The following MTUS1 variants were observed in gnomAD, a reference collection of about 807,000 sequenced individuals.
MTUS1 encodes microtubule-associated tumor suppressor 1.
A neutral mutation model predicts 120.8 loss-of-function variants in MTUS1; 109 were observed. The observed-to-expected ratio is 0.90, with a 90% CI of 0.77 to 1.06. MTUS1 has a LOEUF of 1.06. MTUS1 is among the 50% of genes least tolerant of loss of function. MTUS1 has a pLI of 0.00. For synonymous variants in MTUS1, 737 were observed against 550.5 expected (o/e 1.34, Z -4.74); for missense variants, 2,210 against 1,486.3 (o/e 1.49, Z -8.01).
intron 2 of MTUS1, among the ~76,000 whole-genome samples, chr8:17,747,829 G>A (rs114719708): frequency 0.04 from 6,073 of 152,204 alleles, 163 homozygotes; most frequent in African/African-American, 0.079. Context: ...AGAGTTCCAC[G>A]TGGCTGGGGA....
chr8:17,791,512 GT>G (rs1348914970), intron 1 of MTUS1, among the ~76,000 whole-genome samples: 1 of 152,152 alleles, frequency 6.6e-6, no homozygotes, highest in African/African-American at 2.4e-5. Context: ...TCTTTCGAAT[GT>G]GCTGACTGAT....
intron 8 of MTUS1, among the ~76,000 whole-genome samples, chr8:17,660,541 T>C (rs901531172): frequency 3.3e-5 from 5 of 152,142 alleles, no homozygotes; most frequent in African/African-American, 4.8e-5. Context: ...TTCTTTGGTG[T>C]ATATACCCAG....
chr8:17,650,965 G>T (rs17124992), intron 12 of MTUS1, among the ~76,000 whole-genome samples: 2,543 of 152,252 alleles, frequency 0.017, 62 homozygotes, highest in African/African-American at 0.056. Context: ...TTCTGCTCTG[G>T]ACCAATCCTT....
chr8:17,795,818 G>C (rs932480506), intron 1 of MTUS1, among the ~76,000 whole-genome samples: 6 of 151,202 alleles, frequency 4.0e-5, no homozygotes, highest in Non-Finnish European at 2.9e-5. Flanking sequence ...TGTATTTTTA[G>C]TAGAGTCGGG....
chr8:17,710,238 TTC>T (rs772709411), intron 6 of MTUS1, among the ~76,000 whole-genome samples: 7 of 152,122 alleles, frequency 4.6e-5, no homozygotes, highest in Non-Finnish European at 1.0e-4. Flanking sequence ...CATGAAAGAT[TTC>T]TTTGTAGCAC....
At position 17,755,167 on chromosome 8, in the gene MTUS1, T is replaced by A; in HGVS notation, c.641A>T (p.Asp214Val). 6.2e-7 allele frequency: 1 copy of A among 1,614,180 alleles called. No individual in the cohort carries two copies. Among genetic ancestry groups the A allele is most frequent in the South Asian group, 1.1e-5 (1 of 91,082 alleles). Residue 214 changes from aspartate (D) to valine (V), a missense_variant, in exon 2 of 15, where the codon GAT becomes GTT. Physicochemically the swap from Asp to Val is radical, Grantham distance 152. Transcript: ENST00000693296. ...SYSTWTSSHS[D>V]KTHARETTYD... ...AGTAGTTTCTCTTGCATGCGTCTTA[T>A]CAGAATGGGAAGATGTCCAAGTGGA...
intron 3 of MTUS1, among the ~76,000 whole-genome samples, chr8:17,743,261 C>G (rs569371582): frequency 5.9e-5 from 9 of 152,144 alleles, no homozygotes; most frequent in African/African-American, 2.2e-4. Context: ...CACTAGGGAC[C>G]TACCGTACAA....
intron 3 of MTUS1, among the ~76,000 whole-genome samples, chr8:17,736,889 CTCTTT>C (rs2046970705): frequency 6.6e-6 from 1 of 152,008 alleles, no homozygotes; most frequent in Non-Finnish European, 1.5e-5. Context: ...TTGGCTCTTT[CTCTTT>C]TATTTTTGGA....
At chr8:17,781,326 CAA>C (rs1435420506) in intron 1 of MTUS1, among the ~76,000 whole-genome samples, 11 of 152,240 alleles carry the variant, frequency 7.2e-5, no homozygotes, top group Admixed American at 6.5e-4. Context: ...ACATTGTAAC[CAA>C]AGAGTTATTA....
intron 8 of MTUS1, chr8:17,674,326 A>T (rs904578036): frequency 1.5e-5 from 4 of 260,538 alleles, no homozygotes; most frequent in African/African-American, 9.2e-5. Flanking sequence ...AGGCTGAGGC[A>T]GGAGAATTGC....
rs563849190 is a variant in MTUS1 at position 17,684,314 on chromosome 8, A to G, written c.2838+14T>C. On this transcript the variant is annotated intron_variant, in intron 7 of 14. Coordinates refer to ENST00000693296, the MANE Select transcript of MTUS1 (RefSeq NM_001363059.2). ...CTCAAGTAGAAAGGCTCTTTCTAGG[A>G]TGCACCTCCTTACCTCAGACAGCAG... The G allele has an allele frequency of 4.8e-5, 77 of 1,607,096 alleles. No individual in the cohort carries two copies. Among genetic ancestry groups the G allele is most frequent in the Non-Finnish European group, 6.3e-5 (74 of 1,173,620 alleles).
chr8:17,674,875 GACA>G, intron 8 of MTUS1: 1 of 1,157,842 alleles, frequency 8.6e-7, no homozygotes, highest in Non-Finnish European at 1.1e-6. Context: ...AAAAAAAAAT[GACA>G]ACATTATTTA....
chr8:17,722,051 T>C (rs1049137783), intron 4 of MTUS1: 10 of 1,305,774 alleles, frequency 7.7e-6, no homozygotes, highest in Admixed American at 7.2e-5. Context: ...TTAAACCAGC[T>C]AGCAAATCAA....
intron 3 of MTUS1, among the ~76,000 whole-genome samples, chr8:17,733,769 C>T (rs2046751571): frequency 6.6e-6 from 1 of 152,124 alleles, no homozygotes; most frequent in South Asian, 2.1e-4. Context: ...CTGACTTTGA[C>T]CTCAATCTCT....
intron 9 of MTUS1, 72 bp downstream of exon 9, chr8:17,655,791 G>C (rs973017571): frequency 2.3e-6 from 3 of 1,295,938 alleles, no homozygotes; most frequent in African/African-American, 1.5e-5. Flanking sequence ...AGCTCATCAA[G>C]ATGTGAAGAG....
chr8:17,687,450 T>C (rs1186911613), intron 6 of MTUS1, among the ~76,000 whole-genome samples: 1 of 152,188 alleles, frequency 6.6e-6, no homozygotes, highest in East Asian at 1.9e-4. Flanking sequence ...AACGTGAAAT[T>C]AGCATATTAT....
intron 13 of MTUS1, among the ~76,000 whole-genome samples, chr8:17,648,064 A>C (rs977628316): frequency 6.6e-6 from 1 of 152,204 alleles, no homozygotes; most frequent in Non-Finnish European, 1.5e-5. Context: ...GTGGAAAAAA[A>C]CCTGGAATTT....
chr8:17,712,021 A>G (rs1380810876), intron 6 of MTUS1, among the ~76,000 whole-genome samples: 1 of 152,190 alleles, frequency 6.6e-6, no homozygotes, highest in African/African-American at 2.4e-5. Context: ...GTAACATGGA[A>G]GATCACTGAT....
chr8:17,794,369 C>A (rs1018803753), intron 1 of MTUS1, among the ~76,000 whole-genome samples: 4 of 152,056 alleles, frequency 2.6e-5, no homozygotes, highest in African/African-American at 9.7e-5. Flanking sequence ...ACATAATATT[C>A]TAACAGCAAG....
Sources: gnomAD v4.1 joint callset for allele counts (sites outside exome capture counted in the v4.1 genomes callset) on GRCh38, gnomAD v4.1.1 for gene constraint, MANE v1.5 for transcripts, NCBI Gene and HGNC (gene_info 2026-07-23, HGNC 2026-07-21) for gene names.